The following VEPH1 variants were observed in gnomAD, a reference collection of about 807,000 sequenced individuals.
The protein encoded by VEPH1 is ventricular zone-expressed PH domain-containing protein homolog 1.
VEPH1 carries 80 observed loss-of-function variants against 85.2 expected under a neutral mutation model. The observed-to-expected ratio is 0.94, with a 90% CI of 0.78 to 1.13. VEPH1 has a LOEUF of 1.13. Ranked by LOEUF, VEPH1 falls within the 50% of genes most tolerant of loss-of-function variation. The pLI, the probability that VEPH1 is intolerant of heterozygous loss-of-function variation, is 0.00. For missense variants in VEPH1, 955 were observed against 980.5 expected (o/e 0.97, Z 0.35); for synonymous variants, 297 against 348.0 (o/e 0.85, Z 1.63).
At chr3:157,423,843 A>C (rs1732535485) in intron 5 of VEPH1, among the ~76,000 whole-genome samples, 1 of 152,196 alleles carries the variant, frequency 6.6e-6, no homozygotes, top group East Asian at 1.9e-4. Flanking sequence ...GCATATAACT[A>C]TTCTTTCTTG....
intron 12 of VEPH1, among the ~76,000 whole-genome samples, chr3:157,280,571 G>A (rs1195216153): frequency 6.6e-6 from 1 of 152,132 alleles, no homozygotes; most frequent in African/African-American, 2.4e-5. Flanking sequence ...TTATTAGCAT[G>A]TTTACTATGA....
chr3:157,396,561 G>A (rs1043281923), intron 6 of VEPH1, among the ~76,000 whole-genome samples: 1 of 152,176 alleles, frequency 6.6e-6, no homozygotes, highest in African/African-American at 2.4e-5. Flanking sequence ...CCCACCAATA[G>A]TGTAAAAGCA....
At chr3:157,367,873 A>C (rs908541676) in intron 7 of VEPH1, among the ~76,000 whole-genome samples, 2 of 152,184 alleles carry the variant, frequency 1.3e-5, no homozygotes, top group African/African-American at 4.8e-5. Flanking sequence ...TGAATTTATA[A>C]TTTTTTTCTT....
At chr3:157,455,414 T>C (rs1416152781) in intron 4 of VEPH1, among the ~76,000 whole-genome samples, 1 of 128,046 alleles carries the variant, frequency 7.8e-6, no homozygotes, top group Non-Finnish European at 1.6e-5. Context: ...TGTCTGTTCA[T>C]GTCCTTTGCC....
At chr3:157,388,735 A>G (rs531246968) in intron 6 of VEPH1, among the ~76,000 whole-genome samples, 1 of 152,310 alleles carries the variant, frequency 6.6e-6, no homozygotes, top group South Asian at 2.1e-4. Context: ...TAAAAATAAT[A>G]CAAATAGAAA....
intron 7 of VEPH1, among the ~76,000 whole-genome samples, chr3:157,367,431 TG>T (rs1726833209): frequency 6.6e-6 from 1 of 152,240 alleles, no homozygotes; most frequent in Non-Finnish European, 1.5e-5. Flanking sequence ...AAAAATCTAA[TG>T]GACTTACCAC....
chr3:157,394,145 G>T (rs1730148366), intron 6 of VEPH1, among the ~76,000 whole-genome samples: 1 of 152,194 alleles, frequency 6.6e-6, no homozygotes, highest in Non-Finnish European at 1.5e-5. Context: ...TAGAATTGAT[G>T]GGTAAGGGAC....
At chr3:157,408,460 CAA>C (rs1247486570) in intron 6 of VEPH1, among the ~76,000 whole-genome samples, 1 of 152,132 alleles carries the variant, frequency 6.6e-6, no homozygotes, top group African/African-American at 2.4e-5. Context: ...AATCAACCCT[CAA>C]ATTCTTAATT....
At chr3:157,269,189 A>C (rs1403103) in intron 12 of VEPH1, among the ~76,000 whole-genome samples, 1 of 151,966 alleles carries the variant, frequency 6.6e-6, no homozygotes, top group Non-Finnish European at 1.5e-5. Flanking sequence ...GGCAGATCCA[A>C]ATGTTTCACT....
chr3:157,474,930 G>C (rs1224762405), intron 2 of VEPH1, among the ~76,000 whole-genome samples: 1 of 151,590 alleles, frequency 6.6e-6, no homozygotes, highest in Non-Finnish European at 1.5e-5. Context: ...GTGTTTTATA[G>C]TCAAGTAAAT....
chr3:157,281,827 C>T (rs534771147), intron 12 of VEPH1, among the ~76,000 whole-genome samples: 2 of 152,262 alleles, frequency 1.3e-5, no homozygotes, highest in East Asian at 1.9e-4. Context: ...TGAGCCACTA[C>T]GCCCGGCCAA....
chr3:157,382,880 G>A (rs1309950302), intron 6 of VEPH1, among the ~76,000 whole-genome samples: 2 of 152,116 alleles, frequency 1.3e-5, no homozygotes, highest in African/African-American at 4.8e-5. Context: ...TGACCAGGCT[G>A]GAGTGCAGAG....
At chr3:157,497,197 A>C (rs1051019314) in intron 1 of VEPH1, among the ~76,000 whole-genome samples, 5 of 152,180 alleles carry the variant, frequency 3.3e-5, no homozygotes, top group African/African-American at 1.2e-4. Flanking sequence ...AGCATTATTA[A>C]TATTAATGAT....
Position 157,455,136 on chromosome 3 carries a change from T to C in VEPH1, c.529+5045A>G, listed in dbSNP as rs549173720. On this transcript the variant is annotated intron_variant, in intron 4 of 13. Transcript: ENST00000362010. ...GCAGTAGAATTGCTGGGTCAAATAATAGTTCTATTTTAACTTCTTTGAGAA... is the reference window on the plus strand; with the variant it reads ...GCAGTAGAATTGCTGGGTCAAATAACAGTTCTATTTTAACTTCTTTGAGAA... 6.6e-5 allele frequency among the ~76,000 whole-genome samples: 10 copies of C among 152,336 alleles called. No homozygotes were observed. In the East Asian group the frequency reaches 1.3e-3, roughly 21 times the overall value.
intron 11 of VEPH1, among the ~76,000 whole-genome samples, chr3:157,300,614 G>A (rs769744370): frequency 2.0e-5 from 3 of 152,114 alleles, no homozygotes; most frequent in Non-Finnish European, 4.4e-5. Flanking sequence ...TTAGCCAAGA[G>A]TAAAGGTAAT....
chr3:157,330,360 C>T (rs1043942444), intron 9 of VEPH1, among the ~76,000 whole-genome samples: 5 of 152,134 alleles, frequency 3.3e-5, no homozygotes, highest in African/African-American at 9.7e-5. Context: ...TACTTAAAAC[C>T]CATCTGCACT....
At chr3:157,290,420 A>G (rs1717341840) in intron 11 of VEPH1, among the ~76,000 whole-genome samples, 1 of 152,208 alleles carries the variant, frequency 6.6e-6, no homozygotes, top group Non-Finnish European at 1.5e-5. Flanking sequence ...GTGAGATAAT[A>G]AGTATGTGTT....
intron 11 of VEPH1, among the ~76,000 whole-genome samples, chr3:157,287,677 G>A (rs1030313672): frequency 2.6e-5 from 4 of 151,952 alleles, no homozygotes; most frequent in Non-Finnish European, 5.9e-5. Flanking sequence ...TGATTCTCGT[G>A]TGTCAGCCTC....
intron 9 of VEPH1, among the ~76,000 whole-genome samples, chr3:157,350,390 T>G (rs1164767652): frequency 1.3e-5 from 2 of 152,098 alleles, no homozygotes; most frequent in African/African-American, 4.8e-5. Context: ...AAGACCTAAG[T>G]GTAAAACTGG....
Sources: allele counts gnomAD v4.1 joint callset (sites outside exome capture counted in the v4.1 genomes callset), GRCh38; gene constraint gnomAD v4.1.1; transcripts MANE v1.5; gene names NCBI Gene and HGNC (gene_info 2026-07-23, HGNC 2026-07-21).